KAZN: variants seen among roughly 807,000 people sequenced by gnomAD.
The protein encoded by KAZN is kazrin.
In KAZN, 40 loss-of-function variants were observed where a neutral mutation model predicts 87.4. That is an observed-to-expected ratio of 0.46 (90% confidence interval 0.36 to 0.60). The LOEUF (loss-of-function observed/expected upper bound fraction) is 0.60, where lower values mean the gene tolerates loss of function less well. Among genes scored for constraint, KAZN ranks in the 20% least tolerant of loss-of-function variants. KAZN has a pLI of 0.00. For synonymous variants in KAZN, 466 were observed against 458.3 expected (o/e 1.02, Z -0.22); for missense variants, 898 against 1,073.9 (o/e 0.84, Z 2.29).
chr1:14,850,353 T>C (rs753214731), intron 1 of KAZN, among the ~76,000 whole-genome samples: 20 of 152,172 alleles, frequency 1.3e-4, no homozygotes, highest in Non-Finnish European at 2.6e-4. Flanking sequence ...CCAAGTCCCT[T>C]ACTGACCAAC....
intron 1 of KAZN, among the ~76,000 whole-genome samples, chr1:14,813,793 C>T (rs1646485202): frequency 6.6e-6 from 1 of 152,148 alleles, no homozygotes; most frequent in Non-Finnish European, 1.5e-5. Flanking sequence ...GCCATGGATA[C>T]ATGGAATGCT....
At chr1:14,931,313 G>A (rs999299737) in intron 1 of KAZN, among the ~76,000 whole-genome samples, 21 of 152,000 alleles carry the variant, frequency 1.4e-4, no homozygotes, top group South Asian at 6.2e-4. Flanking sequence ...GCATGGTGGC[G>A]CATGCCTGTA....
At chr1:14,516,944 G>C (rs1471719375) in intron 2 of KAZN, among the ~76,000 whole-genome samples, 1 of 152,074 alleles carries the variant, frequency 6.6e-6, no homozygotes, top group Non-Finnish European at 1.5e-5. Flanking sequence ...TTGTAGTGGT[G>C]GTTGTTTTGC....
At chr1:14,902,318 C>T (rs1051890183) in intron 1 of KAZN, among the ~76,000 whole-genome samples, 2 of 151,926 alleles carry the variant, frequency 1.3e-5, no homozygotes, top group Admixed American at 1.3e-4. Context: ...CTCCGCCTCC[C>T]GGGTTCACGC....
chr1:15,063,773 C>T (rs1339216312), intron 7 of KAZN, 151 bp downstream of exon 7: 2 of 682,770 alleles, frequency 2.9e-6, no homozygotes, highest in Non-Finnish European at 2.7e-6. Flanking sequence ...CCATACTGCA[C>T]ACCCAAGGCG....
chr1:14,201,542 G>A (rs1238411822), intron 2 of KAZN, among the ~76,000 whole-genome samples: 1 of 152,198 alleles, frequency 6.6e-6, no homozygotes, highest in Non-Finnish European at 1.5e-5. Context: ...TCCTGCTCCT[G>A]AAAGGGACCT....
intron 1 of KAZN, among the ~76,000 whole-genome samples, chr1:13,950,768 TGCCTCCCATTGACTGA>T (rs1641315950): frequency 6.6e-6 from 1 of 152,182 alleles, no homozygotes; most frequent in Non-Finnish European, 1.5e-5. Context: ...CTTCTCTATG[TGCCTCCCATTGACTGA>T]GCCCACAGGG....
intron 1 of KAZN, among the ~76,000 whole-genome samples, chr1:13,903,858 T>C (rs754250357): frequency 6.6e-6 from 1 of 152,120 alleles, no homozygotes; most frequent in Non-Finnish European, 1.5e-5. Context: ...GTTTTGACCT[T>C]GATTCCATGG....
intron 1 of KAZN, among the ~76,000 whole-genome samples, chr1:14,751,193 C>T (rs998768319): frequency 5.9e-5 from 9 of 152,150 alleles, no homozygotes; most frequent in Non-Finnish European, 1.0e-4. Flanking sequence ...TAAGGATGAT[C>T]GCCATTAACA....
At chr1:14,383,749 T>G (rs1056426745) in intron 2 of KAZN, among the ~76,000 whole-genome samples, 16 of 152,148 alleles carry the variant, frequency 1.1e-4, no homozygotes, top group African/African-American at 3.6e-4. Context: ...TCAGGTACTG[T>G]GATGCCTCCG....
Position 15,044,261 on chromosome 1 carries a change from GT to G in KAZN, c.726+103del, listed in dbSNP as rs1673238093. On this transcript the variant is annotated intron_variant, in intron 4 of 14. Transcript: ENST00000376030. ...ACTCACATCGGAGACCTAGGGTGGG[GT>G]GGGTGGGGCAGAGCAGAACACAAGC... The G allele has an allele frequency of 1.5e-5, 16 of 1,037,686 alleles. No individual in the cohort carries two copies. In the South Asian group the frequency reaches 2.1e-4, roughly 14 times the overall value. The allele number at this position is 1,037,686 out of a possible 1,614,324, so 64.3% of individuals were successfully genotyped here. A position where few individuals can be genotyped will look rare whatever the true frequency, so the allele number is the denominator to read the frequency against.
intron 1 of KAZN, among the ~76,000 whole-genome samples, chr1:14,813,361 C>A (rs79739612): frequency 2.0e-5 from 3 of 152,126 alleles, no homozygotes; most frequent in Non-Finnish European, 2.9e-5. Flanking sequence ...CTTCTTGGAA[C>A]GCAGCTGCCA....
intron 1 of KAZN, among the ~76,000 whole-genome samples, chr1:13,964,068 G>T (rs572701539): frequency 1.3e-5 from 2 of 152,056 alleles, no homozygotes; most frequent in East Asian, 3.9e-4. Context: ...GTGGTGGTAG[G>T]GGTTGTTAAC....
intron 2 of KAZN, among the ~76,000 whole-genome samples, chr1:14,266,961 T>C (rs1260424793): frequency 6.6e-6 from 1 of 151,986 alleles, no homozygotes; most frequent in Non-Finnish European, 1.5e-5. Flanking sequence ...TATGTATACT[T>C]TTGCCATGTT....
intron 2 of KAZN, among the ~76,000 whole-genome samples, chr1:14,966,397 G>A (rs1401586335): frequency 2.6e-5 from 4 of 152,200 alleles, no homozygotes; most frequent in Non-Finnish European, 5.9e-5. Flanking sequence ...CTTCATAGCA[G>A]AGTGCTGAAT....
At chr1:14,689,014 C>A (rs1641126149) in intron 1 of KAZN, among the ~76,000 whole-genome samples, 1 of 152,138 alleles carries the variant, frequency 6.6e-6, no homozygotes, top group Non-Finnish European at 1.5e-5. Context: ...GACAACATGA[C>A]AAAACCCCAT....
chr1:14,985,549 A>T (rs576706503), intron 2 of KAZN, among the ~76,000 whole-genome samples: 1 of 152,032 alleles, frequency 6.6e-6, no homozygotes, highest in South Asian at 2.1e-4. Flanking sequence ...TAAATAAACA[A>T]ACAAAGATGG....
intron 2 of KAZN, among the ~76,000 whole-genome samples, chr1:15,016,863 G>A (rs1051778289): frequency 3.3e-5 from 5 of 152,104 alleles, no homozygotes; most frequent in Admixed American, 2.0e-4. Flanking sequence ...CCACGCCACC[G>A]GCGGCCCAGG....
At chr1:14,039,350 A>G (rs1029455164) in intron 1 of KAZN, among the ~76,000 whole-genome samples, 3 of 152,326 alleles carry the variant, frequency 2.0e-5, no homozygotes, top group African/African-American at 7.2e-5. Flanking sequence ...GGCATACAGC[A>G]AGGACCAAGT....
Sources: allele counts gnomAD v4.1 joint callset (sites outside exome capture counted in the v4.1 genomes callset), GRCh38; gene constraint gnomAD v4.1.1; transcripts MANE v1.5; gene names NCBI Gene and HGNC (gene_info 2026-07-23, HGNC 2026-07-21).